GOSR2: variants seen among roughly 807,000 people sequenced by gnomAD.
GOSR2 encodes the protein 27 kDa Golgi SNARE protein.
In GOSR2, 20 loss-of-function variants were observed where a neutral mutation model predicts 27.9. That is an observed-to-expected ratio of 0.72 (90% CI 0.50 to 1.04). The LOEUF is 1.04. GOSR2 is among the 50% of genes least tolerant of loss of function. The pLI is 0.00. For synonymous variants in GOSR2, 91 were observed against 98.8 expected, an observed-to-expected ratio of 0.92 and a Z score of 0.47; for missense variants, 261 against 270.5, an observed-to-expected ratio of 0.97 and a Z score of 0.25.
At chr17:46,942,197 T>C (rs1376413630), downstream of GOSR2, among the ~76,000 whole-genome samples, 1 of 152,156 alleles carries the variant, frequency 6.6e-6, no homozygotes, top group Non-Finnish European at 1.5e-5. Context: ...TCAGCTCCAG[T>C]AGCCAAAGCA....
In GOSR2 at chr17:46,966,449, G is replaced by A. The variant is rs917451745; in HGVS notation, c.584-85G>A. Reference sequence around the variant, plus strand: ...CACAGCCTTGACCTGCTGGGCTTAAGCAATCCTCCCATCTCAGCCTCCAGG... The same window carrying A: ...CACAGCCTTGACCTGCTGGGCTTAAACAATCCTCCCATCTCAGCCTCCAGG... On this transcript the variant is annotated intron_variant, in intron 6 of 6. Transcript: ENST00000573224. The A allele has an allele frequency of 2.4e-4, 147 of 614,562 alleles. 1 individual carries two copies. The highest frequency in any genetic ancestry group is 1.3e-4 in the South Asian group (7 of 52,458). 38.1% of individuals were successfully genotyped at this position (614,562 alleles called of 1,614,324 possible).
chr17:46,957,000 G>A (rs891594324), intron 6 of GOSR2, among the ~76,000 whole-genome samples: 5 of 152,294 alleles, frequency 3.3e-5, no homozygotes, highest in African/African-American at 7.2e-5. Context: ...GAGGCTGCCC[G>A]CTGACAGGTG....
Position 46,953,866 on chromosome 17 carries a change from G to A in GOSR2, c.584-12668G>A, listed in dbSNP as rs558416603. Among the ~76,000 whole-genome samples, 357 of 152,222 alleles carry A rather than the reference G, an allele frequency of 2.3e-3. 2 individuals carry two copies. The highest frequency in any genetic ancestry group is 8.4e-3 in the African/African-American group (347 of 41,532). ...TGAGAAGTGTATGTTCATATCCTTC[G>A]CCCACTTGTTGATGGGGTTGTTTTT... On this transcript the variant is annotated intron_variant, in intron 6 of 6. Transcript: ENST00000573224.
At chr17:46,962,499 A>G (rs1371006619) in intron 6 of GOSR2, among the ~76,000 whole-genome samples, 1 of 152,176 alleles carries the variant, frequency 6.6e-6, no homozygotes. Flanking sequence ...AAGTATGCTG[A>G]TTCTGGGCCA....
At chr17:46,937,448 T>C (rs1409397969) in intron 5 of GOSR2, 1 of 152,234 alleles carries the variant, frequency 6.6e-6, no homozygotes, top group Non-Finnish European at 1.5e-5. Context: ...TGTTGAGATA[T>C]AATTTACAGA....
In GOSR2 at chr17:46,931,058, A is replaced by G. The variant is rs189629409; in HGVS notation, c.95-41A>G. 7.8e-4 allele frequency: 807 copies of G among 1,039,064 alleles called. 3 individuals are homozygous for G. In the East Asian group the frequency reaches 0.01, roughly 13 times the overall value. 64.4% of individuals were successfully genotyped at this position (1,039,064 alleles called of 1,614,324 possible). A position where few individuals can be genotyped will look rare whatever the true frequency, so the allele number is the denominator to read the frequency against. The stretch of plus-strand genomic sequence containing the variant: ...TTTATCATTGTAATTTAAGTTCACT[A>G]TCTCTTTTCCAGCAATTATTCTTTT... On this transcript the variant is annotated intron_variant, in intron 2 of 5. Coordinates refer to ENST00000640051, the MANE Select transcript of GOSR2 (RefSeq NM_004287.5).
intron 6 of GOSR2, among the ~76,000 whole-genome samples, chr17:46,959,311 T>G (rs1014248366): frequency 6.6e-6 from 1 of 152,240 alleles, no homozygotes; most frequent in Non-Finnish European, 1.5e-5. Flanking sequence ...CATTCTGCTT[T>G]CTTTTTGGAG....
At chr17:46,950,623 G>A (rs190439549) in intron 6 of GOSR2, among the ~76,000 whole-genome samples, 64 of 152,276 alleles carry the variant, frequency 4.2e-4, no homozygotes, top group Non-Finnish European at 6.5e-4. Context: ...TGAACTTAGC[G>A]GGGGAGATGA....
chr17:46,954,910 G>T (rs2090608435), intron 6 of GOSR2, among the ~76,000 whole-genome samples: 1 of 152,222 alleles, frequency 6.6e-6, no homozygotes, highest in Admixed American at 6.5e-5. Flanking sequence ...AGCTTAAAGA[G>T]ATTTTGGGCT....
intron 1 of GOSR2, among the ~76,000 whole-genome samples, chr17:46,927,153 C>T (rs1324047005): frequency 6.6e-6 from 1 of 152,060 alleles, no homozygotes; most frequent in Non-Finnish European, 1.5e-5. Flanking sequence ...AGTTGAGTGT[C>T]ATTTTGTATA....
In GOSR2 at chr17:46,935,179, C is replaced by T; in HGVS notation, c.477+10C>T. On this transcript the variant is annotated intron_variant, in intron 5 of 5. Transcript: ENST00000640051. ...GAGACTGACCTTGAAGGTGGGGTCC[C>T]TGCTGGGGGACAGAGAGAAGGCCTC... is the stretch of plus-strand genomic sequence containing the variant. 6.2e-7 allele frequency: 1 copy of T among 1,613,818 alleles called. No homozygotes were observed. The highest frequency in any genetic ancestry group is 8.5e-7 in the Non-Finnish European group (1 of 1,179,704).
At chr17:46,958,600 AGATGTGCCAGTGG>A (rs1290459363) in intron 6 of GOSR2, among the ~76,000 whole-genome samples, 1 of 152,190 alleles carries the variant, frequency 6.6e-6, no homozygotes, top group South Asian at 2.1e-4. Flanking sequence ...TACCACAGTG[AGATGTGCCAGTGG>A]GATGTGCCAG....
At chr17:46,950,085 TAA>T (rs1427774334) in intron 6 of GOSR2, among the ~76,000 whole-genome samples, 1 of 152,252 alleles carries the variant, frequency 6.6e-6, no homozygotes, top group Non-Finnish European at 1.5e-5. Flanking sequence ...GAGCATGGGA[TAA>T]AGACAGGGAG....
At chr17:46,964,897 G>A (rs1478651107) in intron 6 of GOSR2, 1 of 152,244 alleles carries the variant, frequency 6.6e-6, no homozygotes, top group Non-Finnish European at 1.5e-5. Context: ...GAAGGTCTGT[G>A]ATTTGGCCTC....
chr17:46,927,089 C>G (rs2146791843), intron 1 of GOSR2, among the ~76,000 whole-genome samples: 1 of 152,226 alleles, frequency 6.6e-6, no homozygotes, highest in South Asian at 2.1e-4. Flanking sequence ...AAATATTTGT[C>G]AGTTTGATGG....
chr17:46,926,877 A>G (rs572423335), intron 1 of GOSR2, among the ~76,000 whole-genome samples: 7 of 152,346 alleles, frequency 4.6e-5, no homozygotes, highest in East Asian at 1.9e-4. Context: ...ACGTCCTGCC[A>G]TGTACATCTC....
chr17:46,950,869 C>G (rs1268337626), intron 6 of GOSR2, among the ~76,000 whole-genome samples: 1 of 152,210 alleles, frequency 6.6e-6, no homozygotes, highest in Admixed American at 6.5e-5. Flanking sequence ...GCCAGACTTT[C>G]TGGGGGAGAA....
downstream of GOSR2, among the ~76,000 whole-genome samples, chr17:46,942,626 C>A (rs2089430110): frequency 6.6e-6 from 1 of 152,204 alleles, no homozygotes; most frequent in Admixed American, 6.5e-5. Context: ...TAGTATAGGG[C>A]AAGTTCCCTG....
intron 3 of GOSR2, chr17:46,931,435 T>G (rs766532129): frequency 7.8e-5 from 44 of 561,980 alleles, no homozygotes; most frequent in Non-Finnish European, 1.2e-4. Context: ...CCTTACCTCT[T>G]TGGTGTCATT....
Sources: allele counts gnomAD v4.1 joint callset (sites outside exome capture counted in the v4.1 genomes callset), GRCh38; gene constraint gnomAD v4.1.1; transcripts MANE v1.5; gene names NCBI Gene and HGNC (gene_info 2026-07-23, HGNC 2026-07-21).